EP400: variants seen among roughly 807,000 people sequenced by gnomAD.
EP400 encodes E1A-binding protein p400.
A neutral mutation model predicts 354.1 loss-of-function variants in EP400; 105 were observed. The ratio of observed to expected loss-of-function variants is 0.30; its 90% CI spans 0.25 to 0.35. The LOEUF (loss-of-function observed/expected upper bound fraction) is 0.35, where lower values mean the gene tolerates loss of function less well. Ranked by LOEUF, EP400 falls within the 10% of genes least tolerant of loss-of-function variation. EP400 has a pLI of 1.00. For synonymous variants in EP400, 1,646 were observed against 1,716.9 expected (o/e 0.96, Z 1.02); for missense variants, 3,280 against 4,121.0 (o/e 0.80, Z 5.59).
At chr12:131,963,116 C>A (rs1244366187) in intron 2 of EP400, among the ~76,000 whole-genome samples, 2 of 152,138 alleles carry the variant, frequency 1.3e-5, no homozygotes, top group African/African-American at 2.4e-5. Context: ...AGCTCAATCC[C>A]CCTTACCTGT....
In EP400 at chr12:132,018,349, C is replaced by T; in HGVS notation, c.4250C>T (p.Pro1417Leu). The change falls in exon 21 of 53, where the codon CCA (proline) becomes CTA (leucine). Residue 1417 changes from proline to leucine, a missense_variant. By Grantham distance (98) the Pro-to-Leu change is moderately conservative. Around this residue, in one of 20 missense-constraint regions of EP400, gnomAD observed 342 missense variants for 342.7 expected, o/e 1.00. Coordinates refer to ENST00000389561, the MANE Select transcript of EP400 (RefSeq NM_015409.5). The surrounding 1 kb of genome is among the most constrained non-coding windows in gnomAD (Gnocchi z 4.0). ...ACTTCAGCAGCCCCAGCAGCCCGACCAGCAGCAGCAAAGCTGAAGGCCAGC... is the reference window on the plus strand; with the variant it reads ...ACTTCAGCAGCCCCAGCAGCCCGACTAGCAGCAGCAAAGCTGAAGGCCAGC... ...ISTSAAPAAR[P>L]AAAKLKASRL... is the part of the protein sequence containing the mutation. The T allele has an allele frequency of 6.2e-7, 1 of 1,608,910 alleles. No homozygotes were observed. The highest frequency in any genetic ancestry group is 1.3e-5 in the African/African-American group (1 of 74,446).
At chr12:132,043,223 A>G in intron 32 of EP400, 81 bp from the exon 33 acceptor site, 4 of 1,492,998 alleles carry the variant, frequency 2.7e-6, no homozygotes, top group Non-Finnish European at 2.7e-6. Flanking sequence ...ATCTCCATTA[A>G]CTTTACATGG....
chr12:132,072,772 C>A (rs528443131), intron 51 of EP400, among the ~76,000 whole-genome samples: 17 of 152,282 alleles, frequency 1.1e-4, no homozygotes, highest in African/African-American at 3.1e-4. Context: ...CTGAGTATGC[C>A]TTTATCTGTT....
Position 132,067,469 on chromosome 12 carries a change from G to A in EP400, c.8857G>A (p.Ala2953Thr). The part of the protein sequence containing the change: ...AIQPQAAQGP[A>T]AVQQKITAQQ... ...CCAGCCCCAGGCTGCACAGGGCCCG[G>A]CAGCCGTCCAGCAGAAGGTACCGGG... The change falls in exon 50 of 53, where the codon GCA becomes ACA. Residue 2953 changes from alanine (A) to threonine (T), a missense_variant. Transcript: ENST00000389561. This position sits in a 1 kb window ranked among gnomAD's most constrained non-coding sequence, Gnocchi z 5.3. The A allele has an allele frequency of 6.2e-7, 1 of 1,612,966 alleles. No homozygotes were observed. The highest frequency in any genetic ancestry group is 8.5e-7 in the Non-Finnish European group (1 of 1,179,988).
Position 132,020,086 on chromosome 12 carries a change from G to A in EP400, c.4315G>A (p.Gly1439Ser), listed in dbSNP as rs1181855519. 2.5e-6 allele frequency: 4 copies of A among 1,598,138 alleles called. No individual in the cohort carries two copies. The highest frequency in any genetic ancestry group is 3.4e-6 in the Non-Finnish European group (4 of 1,172,210). The change falls in exon 22 of 53, where the codon GGT (glycine) becomes AGT (serine). Residue 1439 changes from glycine to serine, a missense_variant. By Grantham distance (56) the Gly-to-Ser change is moderately conservative. Transcript: ENST00000389561. ...QPVQYGQKPE[G>S]RTVAFPSTHP... is the part of the protein sequence containing the mutation. Reference sequence around the variant, plus strand: ...TGTGCAGTATGGCCAGAAGCCCGAGGGTCGCACCGTGGCTTTCCCCAGCAC... The same window carrying A: ...TGTGCAGTATGGCCAGAAGCCCGAGAGTCGCACCGTGGCTTTCCCCAGCAC...
intron 52 of EP400, 59 bp downstream of exon 52, chr12:132,076,652 T>C (rs1593394107): frequency 6.8e-7 from 1 of 1,471,040 alleles, no homozygotes; most frequent in East Asian, 2.3e-5. Context: ...ATGGGTTGTT[T>C]TCATCTGAGG....
intron 19 of EP400, among the ~76,000 whole-genome samples, chr12:132,016,997 A>G (rs1893962535): frequency 6.6e-6 from 1 of 152,298 alleles, no homozygotes; most frequent in African/African-American, 2.4e-5. Context: ...CTCACACCAG[A>G]GAGCTACTCC....
At position 132,075,458 on chromosome 12, in the gene EP400, A is replaced by G. The variant is rs1287452889; in HGVS notation, c.9022-1058A>G. Among the ~76,000 whole-genome samples the G allele has an allele frequency of 6.6e-6, 1 of 152,124 alleles. No homozygotes were observed. Among genetic ancestry groups the G allele is most frequent in the African/African-American group, 2.4e-5 (1 of 41,414 alleles). ...ATTTCTTGCTAGTGCTTTATTTAAGACGTCTCAGGATTTTCAGTGCTGTGC... is the reference window on the plus strand; with the variant it reads ...ATTTCTTGCTAGTGCTTTATTTAAGGCGTCTCAGGATTTTCAGTGCTGTGC... On this transcript the variant is annotated intron_variant, in intron 51 of 52. Transcript: ENST00000389561. This position sits in a 1 kb window ranked among gnomAD's most constrained non-coding sequence, Gnocchi z 4.5.
At position 131,991,419 on chromosome 12, in the gene EP400, G is replaced by C. The variant is rs749234802; in HGVS notation, c.2642G>C (p.Arg881Thr). 3 of 1,613,862 alleles carry C rather than the reference G, an allele frequency of 1.9e-6. No homozygotes were observed. The highest frequency in any genetic ancestry group is 2.7e-5 in the African/African-American group (2 of 74,880). ...QKVSRRGKEL[R>T]PKGFDALQES... ...CTTGTCTCTCTAGGGAAAGAATTGA[G>C]ACCTAAAGGATTTGACGCATTACAG... Residue 881 changes from arginine to threonine, a missense_variant, in exon 10 of 53, where the codon AGA becomes ACA. Arg to Thr is a moderately conservative substitution (Grantham distance 71). Around this residue, in one of 20 missense-constraint regions of EP400, gnomAD observed 800 missense variants for 840.0 expected, o/e 0.95. Coordinates refer to ENST00000389561, the MANE Select transcript of EP400 (RefSeq NM_015409.5).
rs773038854 is a variant in EP400, at chr12:132,013,104, C to T, written c.3537C>T (p.Cys1179=). ...CCTTCACACGAGTGCGCTGGAAGTGCCTGGTCATTGATGAGATGCAGCGCG... is the reference window on the plus strand; with the variant it reads ...CCTTCACACGAGTGCGCTGGAAGTGTCTGGTCATTGATGAGATGCAGCGCG... ...LTAFTRVRWK[C]LVIDEMQRVK... is the part of the protein sequence containing the mutation. The change falls in exon 17 of 53, where the codon TGC becomes TGT. Residue 1179 remains cysteine (C), a synonymous_variant. Coordinates refer to ENST00000389561, the MANE Select transcript of EP400 (RefSeq NM_015409.5). This position sits in a 1 kb window ranked among gnomAD's most constrained non-coding sequence, Gnocchi z 4.5. 5.0e-5 allele frequency: 80 copies of T among 1,613,986 alleles called. No individual in the cohort carries two copies. The highest frequency in any genetic ancestry group is 6.6e-5 in the Non-Finnish European group (78 of 1,180,026).
intron 1 of EP400, among the ~76,000 whole-genome samples, chr12:131,955,290 C>CT (rs140611646): frequency 0.13 from 19,482 of 151,366 alleles, 2,545 homozygotes; most frequent in African/African-American, 0.34. Context: ...AAAGTTTATG[C>CT]TTTTTTTTTG....
chr12:132,009,746 G>GCCTCCTGGGCTCCAGTGATCAAC (rs1893701350), intron 15 of EP400, among the ~76,000 whole-genome samples: 1 of 151,672 alleles, frequency 6.6e-6, no homozygotes, highest in Non-Finnish European at 1.5e-5. Flanking sequence ...TGCAGCCTCA[G>GCCTCCTGGGCTCCAGTGATCAAC]CCTCCTGGGC....
intron 48 of EP400, chr12:132,065,486 C>T (rs941260500): frequency 6.5e-5 from 10 of 154,084 alleles, no homozygotes; most frequent in South Asian, 6.1e-4. Context: ...CTTTGCCCTT[C>T]GTTCTCTTGT....
chr12:132,013,041 C>T lies in EP400; in HGVS notation c.3474C>T (p.Cys1158=). ...CCGAACCCAACAGCTTCCACGTCTG[C>T]ATCACGTCCTACACTCAGTTCTTCC... ...EWAEPNSFHV[C]ITSYTQFFRG... is the part of the protein sequence containing the mutation. Residue 1158 remains cysteine (C), a synonymous_variant, in exon 17 of 53, where the codon TGC becomes TGT. Coordinates refer to ENST00000389561, the MANE Select transcript of EP400 (RefSeq NM_015409.5). This position sits in a 1 kb window ranked among gnomAD's most constrained non-coding sequence, Gnocchi z 4.5. The T allele has an allele frequency of 6.2e-7, 1 of 1,613,618 alleles. No homozygotes were observed. The highest frequency in any genetic ancestry group is 8.5e-7 in the Non-Finnish European group (1 of 1,179,886).
At chr12:131,959,206 G>A (rs1364548444) in intron 1 of EP400, among the ~76,000 whole-genome samples, 7 of 152,292 alleles carry the variant, frequency 4.6e-5, no homozygotes, top group African/African-American at 1.4e-4. Context: ...TATGACAGAA[G>A]TTAGCTATTA....
At chr12:132,012,485 C>T (rs1362183694) in intron 16 of EP400, among the ~76,000 whole-genome samples, 2 of 152,186 alleles carry the variant, frequency 1.3e-5, no homozygotes, top group Non-Finnish European at 2.9e-5. Flanking sequence ...TCATACTGCA[C>T]AAGTTCATCC....
Position 131,992,228 on chromosome 12 carries a change from A to T in EP400, c.2735A>T (p.Glu912Val), listed in dbSNP as rs1402747315. 1 of 1,610,198 alleles carries T rather than the reference A, an allele frequency of 6.2e-7. No individual in the cohort carries two copies. Among genetic ancestry groups the T allele is most frequent in the Non-Finnish European group, 8.5e-7 (1 of 1,179,648 alleles). ...GCTAGCATATCTTTGACTGATGACG[A>T]AGGTCTGTTCCCCCTCAGCACTATC... The part of the protein sequence containing the change: ...RKASISLTDD[E>V]VDDEEETIEE... The change falls in exon 11 of 53, where the codon GAA becomes GTA. Residue 912 changes from glutamate (E) to valine (V), a missense_variant and splice_region_variant. Coordinates refer to ENST00000389561, the MANE Select transcript of EP400 (RefSeq NM_015409.5).
rs568811806 is a variant in EP400, at chr12:131,992,338, A to G, written c.2737+108A>G. On this transcript the variant is annotated intron_variant, in intron 11 of 52. Coordinates refer to ENST00000389561, the MANE Select transcript of EP400 (RefSeq NM_015409.5). ...TCTTGTCATCTTCAGCTGGTTGGAAAGCTCAACCTTTGTATTTATCCAGAT... is the reference window on the plus strand; with the variant it reads ...TCTTGTCATCTTCAGCTGGTTGGAAGGCTCAACCTTTGTATTTATCCAGAT... 335 of 1,013,110 alleles carry G rather than the reference A, an allele frequency of 3.3e-4. 5 individuals carry two copies. The South Asian group carries it at 5.0e-3, about 15-fold the overall frequency. The allele number at this position is 1,013,110 out of a possible 1,614,324, so 62.8% of individuals were successfully genotyped here. A position where few individuals can be genotyped will look rare whatever the true frequency, so the allele number is the denominator to read the frequency against.
rs1167099747 is a variant in EP400, at chr12:132,024,688, C to G, written c.4855+747C>G. Among the ~76,000 whole-genome samples, 3 of 151,384 alleles carry G rather than the reference C, an allele frequency of 2.0e-5. No homozygotes were observed. The East Asian group carries it at 5.9e-4, about 30-fold the overall frequency. On this transcript the variant is annotated intron_variant, in intron 24 of 52. Coordinates refer to ENST00000389561, the MANE Select transcript of EP400 (RefSeq NM_015409.5). The stretch of plus-strand genomic sequence containing the variant: ...CACAGCAGCCCCCGCAGCCTCCTTC[C>G]CCCACCTTCCTCGACAGCAGCCTCA...
Sources: allele counts gnomAD v4.1 joint callset (sites outside exome capture counted in the v4.1 genomes callset), GRCh38; gene constraint gnomAD v4.1.1; regional missense constraint gnomAD v4.1.1; non-coding constraint Gnocchi (gnomAD v3.1); transcripts MANE v1.5; gene names NCBI Gene and HGNC (gene_info 2026-07-23, HGNC 2026-07-21).